The following CSGALNACT1 variants were observed in gnomAD, a reference collection of about 807,000 sequenced individuals.
The protein encoded by CSGALNACT1 is beta4GalNAcT-1.
CSGALNACT1 carries 52 observed loss-of-function variants against 51.0 expected under a neutral mutation model. That is an observed-to-expected ratio of 1.02 (90% CI 0.82 to 1.29). The LOEUF (loss-of-function observed/expected upper bound fraction) is 1.29, where lower values mean the gene tolerates loss of function less well. Ranked by LOEUF, CSGALNACT1 falls within the 50% of genes most tolerant of loss-of-function variation. CSGALNACT1 has a pLI of 0.00. For missense variants in CSGALNACT1, 935 were observed against 679.2 expected (o/e 1.38, Z -4.19); for synonymous variants, 341 against 254.4 (o/e 1.34, Z -3.24).
Position 19,406,012 on chromosome 8 carries a change from T to C in CSGALNACT1, c.1367A>G (p.Lys456Arg), listed in dbSNP as rs766427423. Reference sequence around the variant, plus strand: ...CACTATGAGGTTGCTGTGGAGATACTTGCGATAAAGGTGCACATCCTCTCC... The same window carrying C: ...CACTATGAGGTTGCTGTGGAGATACCTGCGATAAAGGTGCACATCCTCTCC... The change falls in exon 10 of 10, where the codon AAG becomes AGG. Residue 456 changes from lysine to arginine, a missense_variant. Transcript: ENST00000454498. 6 of 1,614,108 alleles carry C rather than the reference T, an allele frequency of 3.7e-6. No individual in the cohort carries two copies. The East Asian group carries it at 1.3e-4, about 36-fold the overall frequency.
At chr8:19,607,009 G>C (rs2051474914), upstream of CSGALNACT1, among the ~76,000 whole-genome samples, 1 of 152,090 alleles carries the variant, frequency 6.6e-6, no homozygotes, top group Non-Finnish European at 1.5e-5. Context: ...CAAAAAATTA[G>C]CCGGGCATGG....
chr8:19,418,511 G>C, intron 8 of CSGALNACT1, 145 bp downstream of exon 7: 3 of 709,556 alleles, frequency 4.2e-6, no homozygotes, highest in Non-Finnish European at 7.8e-6. Context: ...GCCGGGAGCA[G>C]AGGCCAGCAC....
At chr8:19,738,596 G>A (rs918911427) in intron 1 of CSGALNACT1, among the ~76,000 whole-genome samples, 1 of 152,092 alleles carries the variant, frequency 6.6e-6, no homozygotes, top group African/African-American at 2.4e-5. Flanking sequence ...TAATGCCACT[G>A]AAATGTTCAC....
In CSGALNACT1 at chr8:19,505,553, C is replaced by T. The variant is rs749126017; in HGVS notation, c.282G>A (p.Arg94=). 8.1e-6 allele frequency: 13 copies of T among 1,613,838 alleles called. No homozygotes were observed. The highest frequency in any genetic ancestry group is 6.7e-5 in the Admixed American group (4 of 60,012). ...CATCGCTGGCTTGGTACTGCCCATTCCTGAGCTGCTCACTCCTCTCCTGCA... is the reference window on the plus strand; with the variant it reads ...CATCGCTGGCTTGGTACTGCCCATTTCTGAGCTGCTCACTCCTCTCCTGCA... The change falls in exon 4 of 10, where the codon AGG becomes AGA. Residue 94 remains arginine, a synonymous_variant. Coordinates refer to ENST00000454498, the Ensembl canonical transcript of CSGALNACT1.
intron 2 of CSGALNACT1, among the ~76,000 whole-genome samples, chr8:19,593,514 G>A (rs539298849): frequency 5.8e-4 from 88 of 152,254 alleles, no homozygotes; most frequent in African/African-American, 2.1e-3. Flanking sequence ...GATGGCCCAC[G>A]GACTACACTA....
chr8:19,546,209 G>A (rs2154076810), intron 3 of CSGALNACT1, among the ~76,000 whole-genome samples: 1 of 152,210 alleles, frequency 6.6e-6, no homozygotes, highest in Non-Finnish European at 1.5e-5. Context: ...CATATTCACT[G>A]ATATTTATCT....
At chr8:19,685,491 C>CAAAACAAGAAACAAAGAAAT (rs2060920477), upstream of CSGALNACT1, among the ~76,000 whole-genome samples, 1 of 152,060 alleles carries the variant, frequency 6.6e-6, no homozygotes, top group East Asian at 1.9e-4. Context: ...GCCCCAAAAA[C>CAAAACAAGAAACAAAGAAAT]AAAACAAGAA....
chr8:19,587,861 T>C (rs563159510), intron 3 of CSGALNACT1: 2 of 152,280 alleles, frequency 1.3e-5, no homozygotes, highest in South Asian at 4.2e-4. Context: ...ATGATGGGTT[T>C]CATATTTGTG....
intron 1 of CSGALNACT1, among the ~76,000 whole-genome samples, chr8:19,648,197 G>T (rs1173368949): frequency 6.6e-6 from 1 of 152,188 alleles, no homozygotes; most frequent in African/African-American, 2.4e-5. Context: ...AGCATTAAGT[G>T]TTATCTCCCT....
rs549743473 is a variant in CSGALNACT1, at chr8:19,469,549, A to G, written c.635-10907T>C. On this transcript the variant is annotated intron_variant, in intron 4 of 9. Coordinates refer to ENST00000454498, the Ensembl canonical transcript of CSGALNACT1. The stretch of plus-strand genomic sequence containing the variant: ...GGGATGAAGGGGCAGCAGTGAGTTG[A>G]GTGTTTTTCCTTCAATTCCTTGAAA... 4.4e-4 allele frequency among the ~76,000 whole-genome samples: 67 copies of G among 152,302 alleles called. 1 individual carries two copies. Among genetic ancestry groups the G allele is most frequent in the South Asian group, 8.3e-4 (4 of 4,826 alleles).
chr8:19,725,750 A>T (rs2063364272), intron 1 of CSGALNACT1, among the ~76,000 whole-genome samples: 1 of 152,114 alleles, frequency 6.6e-6, no homozygotes, highest in Non-Finnish European at 1.5e-5. Context: ...TCACTTTTTT[A>T]GAGCAGTTTT....
intron 1 of CSGALNACT1, among the ~76,000 whole-genome samples, chr8:19,663,644 C>T (rs1427884848): frequency 6.6e-6 from 1 of 152,118 alleles, no homozygotes; most frequent in Non-Finnish European, 1.5e-5. Flanking sequence ...GAATGATTAC[C>T]AATTGGGGAG....
intron 1 of CSGALNACT1, among the ~76,000 whole-genome samples, chr8:19,715,972 G>A (rs1336457113): frequency 1.3e-5 from 2 of 152,182 alleles, no homozygotes; most frequent in Non-Finnish European, 2.9e-5. Context: ...TCTCTTTCCT[G>A]CATATTACTT....
chr8:19,504,396 A>C (rs1373205877), intron 4 of CSGALNACT1, among the ~76,000 whole-genome samples: 2 of 152,226 alleles, frequency 1.3e-5, no homozygotes, highest in Admixed American at 1.3e-4. Flanking sequence ...TATTCTTTTC[A>C]GAAATGGGGA....
At chr8:19,502,938 G>A (rs1312494221) in intron 4 of CSGALNACT1, among the ~76,000 whole-genome samples, 2 of 145,730 alleles carry the variant, frequency 1.4e-5, no homozygotes, top group African/African-American at 2.4e-5. Context: ...TAGAATTCTT[G>A]TAGTGCCAGG....
intron 8 of CSGALNACT1, among the ~76,000 whole-genome samples, chr8:19,412,251 A>C (rs1285392760): frequency 6.6e-6 from 1 of 152,190 alleles, no homozygotes; most frequent in Non-Finnish European, 1.5e-5. Flanking sequence ...TGAATGTACC[A>C]CAAAAGGACA....
intron 3 of CSGALNACT1, among the ~76,000 whole-genome samples, chr8:19,583,018 G>A (rs1446102269): frequency 1.3e-5 from 2 of 152,104 alleles, no homozygotes; most frequent in Non-Finnish European, 2.9e-5. Context: ...GACAACCACT[G>A]TCAGGGACAC....
intron 6 of CSGALNACT1, among the ~76,000 whole-genome samples, chr8:19,424,969 T>C (rs117219307): frequency 0.012 from 1,815 of 152,224 alleles, 16 homozygotes; most frequent in Non-Finnish European, 0.019. Context: ...ATGATTCCGA[T>C]TGTGAAAGAA....
chr8:19,733,534 C>T (rs147670284), intron 1 of CSGALNACT1, among the ~76,000 whole-genome samples: 9 of 151,968 alleles, frequency 5.9e-5, no homozygotes, highest in African/African-American at 1.4e-4. Flanking sequence ...TGAAGTTTTA[C>T]GCCAATATGG....
Sources: allele counts gnomAD v4.1 joint callset (sites outside exome capture counted in the v4.1 genomes callset), GRCh38; gene constraint gnomAD v4.1.1; transcripts MANE v1.5; gene names NCBI Gene and HGNC (gene_info 2026-07-23, HGNC 2026-07-21).